DLD: variants seen among roughly 807,000 people sequenced by gnomAD.
The protein encoded by DLD is dihydrolipoamide dehydrogenase.
DLD carries 36 observed loss-of-function variants against 62.2 expected under a neutral mutation model. That is an observed-to-expected ratio of 0.58 (90% CI 0.44 to 0.76). The LOEUF (loss-of-function observed/expected upper bound fraction) is 0.76. Among genes scored for constraint, DLD ranks in the 30% least tolerant of loss-of-function variants. The pLI is 0.00. For missense variants in DLD, 541 were observed against 608.6 expected, an observed-to-expected ratio of 0.89 and a Z score of 1.17; for synonymous variants, 204 against 199.6, an observed-to-expected ratio of 1.02 and a Z score of -0.19.
chr7:107,917,113 T>G, intron 10 of DLD, 149 bp downstream of exon 10: 1 of 1,224,048 alleles, frequency 8.2e-7, no homozygotes, highest in Non-Finnish European at 1.2e-6. Flanking sequence ...ATAACTGAAT[T>G]TTACTCAAAG....
intron 12 of DLD, 97 bp from the exon 13 acceptor site, chr7:107,918,913 G>A (rs1046063534): frequency 4.6e-5 from 46 of 992,376 alleles, no homozygotes; most frequent in Admixed American, 5.5e-5. Flanking sequence ...GATTTAAGGC[G>A]TTTTTAAGAT....
Position 107,905,808 on chromosome 7 carries a change from A to C in DLD, c.582+304A>C, listed in dbSNP as rs142467985. 690 of 396,152 alleles carry C rather than the reference A, an allele frequency of 1.7e-3. 1 individual carries two copies. Among genetic ancestry groups the C allele is most frequent in the Non-Finnish European group, 2.4e-3 (526 of 216,778 alleles). 24.5% of individuals were successfully genotyped at this position (396,152 alleles called of 1,614,324 possible). A position where few individuals can be genotyped will look rare whatever the true frequency, so the allele number is the denominator to read the frequency against. On this transcript the variant is annotated intron_variant, in intron 7 of 13. Transcript: ENST00000205402. ...GGATTTGATGAAATTAGGTATATAGATACCTCAAAACAAATAAATGACTTA... is the reference window on the plus strand; with the variant it reads ...GGATTTGATGAAATTAGGTATATAGCTACCTCAAAACAAATAAATGACTTA...
intron 8 of DLD, among the ~76,000 whole-genome samples, chr7:107,906,807 A>G (rs2032019175): frequency 6.6e-6 from 1 of 152,138 alleles, no homozygotes; most frequent in Non-Finnish European, 1.5e-5. Flanking sequence ...ATTTCTTTGA[A>G]CACCATGTTA....
At position 107,905,389 on chromosome 7, in the gene DLD, T is replaced by A. The variant is rs2031979271; in HGVS notation, c.467T>A (p.Ile156Lys). ...GTTCATGTCAATGGATATGGAAAGA[T>A]AACTGGCAAAAATCAAGTCACTGCT... ...KVVHVNGYGK[I>K]TGKNQVTATK... The change falls in exon 7 of 14, where the codon ATA (isoleucine) becomes AAA (lysine). Residue 156 changes from isoleucine to lysine, a missense_variant. Ile to Lys is a moderately radical substitution (Grantham distance 102). Transcript: ENST00000205402. The A allele has an allele frequency of 6.2e-7, 1 of 1,613,608 alleles. No individual in the cohort carries two copies. Among genetic ancestry groups the A allele is most frequent in the African/African-American group, 1.3e-5 (1 of 74,918 alleles).
intron 12 of DLD, 134 bp from the exon 13 acceptor site, chr7:107,918,876 G>C: frequency 1.3e-6 from 1 of 783,618 alleles, no homozygotes; most frequent in Non-Finnish European, 2.2e-6. Flanking sequence ...AGCTTTTCCT[G>C]ACTTTTCTTC....
At chr7:107,910,344 C>G (rs927211481) in intron 8 of DLD, among the ~76,000 whole-genome samples, 4 of 152,178 alleles carry the variant, frequency 2.6e-5, no homozygotes, top group Admixed American at 2.0e-4. Context: ...TTCATCTCAG[C>G]AGTTTTGCTT....
chr7:107,891,583 G>C (rs2031576674), intron 1 of DLD: 5 of 570,888 alleles, frequency 8.8e-6, no homozygotes, highest in Admixed American at 6.1e-5. Flanking sequence ...GGCCATCCCG[G>C]TCACACATAG....
intron 5 of DLD, 165 bp from the exon 6 acceptor site, chr7:107,904,793 G>A (rs1169937728): frequency 1.5e-6 from 1 of 677,630 alleles, no homozygotes; most frequent in Non-Finnish European, 2.7e-6. Context: ...GTGATACAAT[G>A]ATGTTGGCCT....
chr7:107,914,239 T>C (rs1168398040), intron 8 of DLD, among the ~76,000 whole-genome samples: 1 of 152,150 alleles, frequency 6.6e-6, no homozygotes, highest in Non-Finnish European at 1.5e-5. Flanking sequence ...TATTGAATTT[T>C]TCTTATTGAA....
At chr7:107,905,738 G>T in intron 7 of DLD, 1 of 527,206 alleles carries the variant, frequency 1.9e-6, no homozygotes, top group Non-Finnish European at 3.4e-6. Context: ...TGACCATTGC[G>T]TTTGGAATAT....
chr7:107,901,868 T>G, intron 3 of DLD, 51 bp downstream of exon 3: 1 of 1,463,646 alleles, frequency 6.8e-7, no homozygotes. Flanking sequence ...TTGGGAAGGG[T>G]TGATCATATT....
At chr7:107,898,437 C>T (rs1313317958) in intron 2 of DLD, among the ~76,000 whole-genome samples, 1 of 151,462 alleles carries the variant, frequency 6.6e-6, no homozygotes, top group Non-Finnish European at 1.5e-5. Flanking sequence ...CTTGCCACCA[C>T]GCCTGGCAAT....
At chr7:107,893,331 C>T in intron 2 of DLD, 53 bp downstream of exon 2, 1 of 1,344,938 alleles carries the variant, frequency 7.4e-7, no homozygotes, top group Non-Finnish European at 1.1e-6. Flanking sequence ...CAGTTCCTTT[C>T]TATTTCAATG....
intron 2 of DLD, among the ~76,000 whole-genome samples, chr7:107,895,206 G>A (rs1169433481): frequency 6.6e-6 from 1 of 152,220 alleles, no homozygotes; most frequent in East Asian, 1.9e-4. Flanking sequence ...ATAGATGGAA[G>A]AGTTAGGTTT....
chr7:107,900,261 C>G (rs999451684), intron 2 of DLD, among the ~76,000 whole-genome samples: 2 of 152,014 alleles, frequency 1.3e-5, no homozygotes, highest in Non-Finnish European at 2.9e-5. Flanking sequence ...TGATTCTGTT[C>G]AGGCCAGCAA....
intron 9 of DLD, among the ~76,000 whole-genome samples, 192 bp from the exon 10 acceptor site, chr7:107,916,602 G>A (rs965705639): frequency 2.6e-5 from 4 of 152,074 alleles, no homozygotes; most frequent in African/African-American, 4.8e-5. Context: ...AACCTGGGAG[G>A]TGGAGGTTGC....
At chr7:107,905,313 A>G (rs944855811) in intron 6 of DLD, 48 bp from the exon 7 acceptor site, 1 of 1,558,584 alleles carries the variant, frequency 6.4e-7, no homozygotes, top group Admixed American at 1.7e-5. Context: ...TGATTTATCA[A>G]ACAAATTACT....
At chr7:107,910,028 T>G (rs2032102874) in intron 8 of DLD, among the ~76,000 whole-genome samples, 1 of 151,920 alleles carries the variant, frequency 6.6e-6, no homozygotes, top group Non-Finnish European at 1.5e-5. Flanking sequence ...AATTTTTCTT[T>G]GTATTTTTAG....
Position 107,919,472 on chromosome 7 carries a change from G to A in DLD, c.*213G>A. ...TTTGTTTCAGTGCACTAATGTGTAA[G>A]ACAAAAAGCTACTTATTGTAGCATC... On this transcript the variant is annotated 3_prime_UTR_variant, in exon 14 of 14. Coordinates refer to ENST00000205402, the MANE Select transcript of DLD (RefSeq NM_000108.5). 1 of 443,038 alleles carries A rather than the reference G, an allele frequency of 2.3e-6. No homozygotes were observed. The highest frequency in any genetic ancestry group is 4.0e-6 in the Non-Finnish European group (1 of 251,450). The allele number at this position is 443,038 out of a possible 1,614,324, so 27.4% of individuals were successfully genotyped here. A position where few individuals can be genotyped will look rare whatever the true frequency, so the allele number is the denominator to read the frequency against.
Sources: gnomAD v4.1 joint callset for allele counts (sites outside exome capture counted in the v4.1 genomes callset) on GRCh38, gnomAD v4.1.1 for gene constraint, MANE v1.5 for transcripts, NCBI Gene and HGNC (gene_info 2026-07-23, HGNC 2026-07-21) for gene names.